Variants in SOBP observed in about 807,000 individuals in gnomAD.
The protein encoded by SOBP is sine oculis binding protein homolog, also known as sine oculis-binding protein homolog.
SOBP carries 4 observed loss-of-function variants against 53.6 expected under a neutral mutation model. That is an observed-to-expected ratio of 0.07 (90% CI 0.04 to 0.17). SOBP has a LOEUF of 0.17. Ranked by LOEUF, SOBP falls within the 10% of genes least tolerant of loss-of-function variation. The probability of loss-of-function intolerance (pLI) is 1.00; values close to 1 mark genes in which losing one functional copy is unlikely to be tolerated. For synonymous variants in SOBP, 584 were observed against 522.6 expected (o/e 1.12, Z -1.60); for missense variants, 1,088 against 1,204.7 (o/e 0.90, Z 1.43).
At chr6:107,512,724 C>T (rs1224857663) in intron 3 of SOBP, among the ~76,000 whole-genome samples, 2 of 151,972 alleles carry the variant, frequency 1.3e-5, no homozygotes, top group African/African-American at 2.4e-5. Context: ...CAACATTTTG[C>T]TCCCAAAATT....
chr6:107,614,823 G>A (rs755327995), intron 5 of SOBP, among the ~76,000 whole-genome samples: 1 of 152,210 alleles, frequency 6.6e-6, no homozygotes. Context: ...ATTTGATGTT[G>A]ATCTATTGTG....
At chr6:107,601,236 T>C (rs1786169724) in intron 5 of SOBP, among the ~76,000 whole-genome samples, 1 of 152,176 alleles carries the variant, frequency 6.6e-6, no homozygotes, top group Non-Finnish European at 1.5e-5. Context: ...GCAGAAGCTG[T>C]GGCAGCCACC....
chr6:107,655,491 T>G (rs1771994273), intron 6 of SOBP, among the ~76,000 whole-genome samples: 1 of 152,130 alleles, frequency 6.6e-6, no homozygotes, highest in African/African-American at 2.4e-5. Context: ...AAGTATGTGG[T>G]GAGAGGGAAG....
intron 1 of SOBP, among the ~76,000 whole-genome samples, chr6:107,500,814 C>T (rs750052150): frequency 3.9e-5 from 6 of 152,250 alleles, no homozygotes; most frequent in African/African-American, 4.8e-5. Flanking sequence ...TCTGAGCCAC[C>T]ACACCCAGCC....
intron 1 of SOBP, among the ~76,000 whole-genome samples, chr6:107,494,384 C>G (rs942883406): frequency 6.6e-6 from 1 of 152,170 alleles, no homozygotes; most frequent in South Asian, 2.1e-4. Context: ...TAAAAACTAA[C>G]TTCTACTAGT....
intron 3 of SOBP, 95 bp downstream of exon 3, chr6:107,506,522 T>A: frequency 7.0e-7 from 1 of 1,421,688 alleles, no homozygotes; most frequent in Non-Finnish European, 9.9e-7. Context: ...TTAACTTTGG[T>A]AGAGGCTGTT....
At chr6:107,569,526 C>T (rs868158861) in intron 4 of SOBP, among the ~76,000 whole-genome samples, 2 of 152,196 alleles carry the variant, frequency 1.3e-5, no homozygotes, top group South Asian at 2.1e-4. Flanking sequence ...GTGTGAAGCA[C>T]ACGCCTCAAC....
intron 5 of SOBP, among the ~76,000 whole-genome samples, chr6:107,631,245 G>T (rs1477921020): frequency 1.3e-5 from 2 of 151,944 alleles, no homozygotes; most frequent in African/African-American, 2.4e-5. Flanking sequence ...CCAGAAAATG[G>T]GTATATTATT....
chr6:107,529,565 C>T (rs1389524429), intron 3 of SOBP: 1 of 985,288 alleles, frequency 1.0e-6, no homozygotes, highest in African/African-American at 1.7e-5. Context: ...AGTTTAATTG[C>T]CTGGAGTCCA....
intron 5 of SOBP, among the ~76,000 whole-genome samples, chr6:107,627,683 C>A (rs573604481): frequency 6.6e-6 from 1 of 152,314 alleles, no homozygotes; most frequent in Admixed American, 6.5e-5. Context: ...AACTATGTAG[C>A]AAACACCAGC....
rs73762274 is a variant in SOBP, at chr6:107,593,233, A to G, written c.669+6058A>G. 3.9e-3 allele frequency among the ~76,000 whole-genome samples: 595 copies of G among 152,130 alleles called. 8 individuals are homozygous for G. The highest frequency in any genetic ancestry group is 0.013 in the African/African-American group (538 of 41,510). ...CTATTTTACCTCTCTTTGTAATTCT[A>G]TTATTTGAGAGAAAAGCCACATGAG... On this transcript the variant is annotated intron_variant, in intron 5 of 6. Coordinates refer to ENST00000317357, the MANE Select transcript of SOBP (RefSeq NM_018013.4).
chr6:107,648,181 AG>A (rs1250850576), intron 6 of SOBP, among the ~76,000 whole-genome samples: 2 of 152,294 alleles, frequency 1.3e-5, no homozygotes, highest in African/African-American at 4.8e-5. Flanking sequence ...TCTTTTACCT[AG>A]AATGCCTCTG....
intron 4 of SOBP, among the ~76,000 whole-genome samples, chr6:107,580,690 A>G (rs1352015812): frequency 4.6e-5 from 7 of 152,214 alleles, no homozygotes; most frequent in Non-Finnish European, 1.0e-4. Context: ...CAGAGGATCA[A>G]TTCAACAGGG....
intron 4 of SOBP, among the ~76,000 whole-genome samples, chr6:107,555,964 T>A (rs1320879675): frequency 6.6e-6 from 1 of 152,244 alleles, no homozygotes; most frequent in Non-Finnish European, 1.5e-5. Context: ...TCAGACTTAA[T>A]AAACAATGGG....
At chr6:107,504,356 T>C (rs1249968166) in intron 2 of SOBP, among the ~76,000 whole-genome samples, 1 of 152,188 alleles carries the variant, frequency 6.6e-6, no homozygotes, top group Non-Finnish European at 1.5e-5. Flanking sequence ...TTAGAGCCTA[T>C]ATTACTCTTT....
At chr6:107,554,996 G>A (rs1349157962) in intron 4 of SOBP, among the ~76,000 whole-genome samples, 1 of 152,116 alleles carries the variant, frequency 6.6e-6, no homozygotes, top group Non-Finnish European at 1.5e-5. Flanking sequence ...CCTTCTGAGG[G>A]AAATCTGTGA....
intron 3 of SOBP, among the ~76,000 whole-genome samples, chr6:107,525,073 G>C (rs1255811232): frequency 6.6e-6 from 1 of 152,186 alleles, no homozygotes; most frequent in Non-Finnish European, 1.5e-5. Context: ...TCACATCCAT[G>C]TAAGTACCCT....
At chr6:107,590,473 G>A (rs1381953930) in intron 5 of SOBP, among the ~76,000 whole-genome samples, 1 of 152,174 alleles carries the variant, frequency 6.6e-6, no homozygotes, top group African/African-American at 2.4e-5. Context: ...AGTTTGAAAG[G>A]GGAACTAAGA....
intron 3 of SOBP, among the ~76,000 whole-genome samples, chr6:107,509,545 A>G (rs1033638242): frequency 5.3e-5 from 8 of 152,258 alleles, no homozygotes; most frequent in Admixed American, 4.6e-4. Context: ...ATCCAAATGC[A>G]AATTGGTCTC....
Sources: allele counts gnomAD v4.1 joint callset (sites outside exome capture counted in the v4.1 genomes callset), GRCh38; gene constraint gnomAD v4.1.1; transcripts MANE v1.5; gene names NCBI Gene and HGNC (gene_info 2026-07-23, HGNC 2026-07-21).